The following GPR157 variants were observed in gnomAD, a reference collection of about 807,000 sequenced individuals.
GPR157 encodes the protein G-protein coupled receptor 157.
Under a neutral mutation model 23.5 loss-of-function variants are expected in GPR157, and 16 were observed. The ratio of observed to expected loss-of-function variants is 0.68; its 90% CI spans 0.46 to 1.04. The LOEUF is 1.04. Ranked by LOEUF, GPR157 falls within the 50% of genes least tolerant of loss-of-function variation. The pLI is 0.00. For missense variants in GPR157, 440 were observed against 460.7 expected, an observed-to-expected ratio of 0.96 and a Z score of 0.41; for synonymous variants, 200 against 221.5, an observed-to-expected ratio of 0.90 and a Z score of 0.86.
At chr1:9,110,333 G>A (rs902961564) in intron 2 of GPR157, among the ~76,000 whole-genome samples, 9 of 152,274 alleles carry the variant, frequency 5.9e-5, no homozygotes, top group Admixed American at 2.6e-4. Flanking sequence ...GACCAGCCTG[G>A]CCAACATGGT....
At chr1:9,109,446 G>A (rs1638427320) in intron 2 of GPR157, among the ~76,000 whole-genome samples, 1 of 151,874 alleles carries the variant, frequency 6.6e-6, no homozygotes, top group Non-Finnish European at 1.5e-5. Flanking sequence ...AGGCTGGAAT[G>A]CAGTGGCGTA....
intron 2 of GPR157, among the ~76,000 whole-genome samples, chr1:9,108,628 A>G (rs758560054): frequency 1.3e-5 from 2 of 152,212 alleles, no homozygotes; most frequent in African/African-American, 2.4e-5. Context: ...ATAAAAGTCT[A>G]GAAGAAGACA....
intron 2 of GPR157, among the ~76,000 whole-genome samples, chr1:9,106,306 C>T (rs753942357): frequency 2.6e-5 from 4 of 152,166 alleles, no homozygotes; most frequent in Non-Finnish European, 5.9e-5. Context: ...CTCCCTCCTC[C>T]GCCTCTGCCA....
chr1:9,114,419 C>T lies in GPR157; in HGVS notation c.384-2930G>A, dbSNP rs1458196183. 2.6e-5 allele frequency among the ~76,000 whole-genome samples: 4 copies of T among 151,504 alleles called. No individual in the cohort carries two copies. The South Asian group carries it at 8.3e-4, about 32-fold the overall frequency. ...GCTGTTCCTCGTTACTTTACAGTTGCAGGATTCCGCTAAGGAATTCTGGGA... is the reference window on the plus strand; with the variant it reads ...GCTGTTCCTCGTTACTTTACAGTTGTAGGATTCCGCTAAGGAATTCTGGGA... On this transcript the variant is annotated intron_variant, in intron 1 of 3. Coordinates refer to ENST00000377411, the MANE Select transcript of GPR157 (RefSeq NM_024980.5).
chr1:9,119,472 C>T (rs951123249), intron 1 of GPR157, among the ~76,000 whole-genome samples: 21 of 152,192 alleles, frequency 1.4e-4, no homozygotes, highest in African/African-American at 5.1e-4. Context: ...TCAGGAAGAA[C>T]CAGTCCTGCC....
chr1:9,122,160 AC>A, intron 1 of GPR157, among the ~76,000 whole-genome samples: 1 of 151,138 alleles, frequency 6.6e-6, no homozygotes, highest in East Asian at 1.9e-4. Flanking sequence ...TGGGGAAATG[AC>A]CCCCTCCACA....
intron 2 of GPR157, among the ~76,000 whole-genome samples, chr1:9,107,260 A>G (rs1479457314): frequency 6.6e-6 from 1 of 152,198 alleles, no homozygotes; most frequent in Non-Finnish European, 1.5e-5. Flanking sequence ...CCTCCTGGGA[A>G]TGTCTTTCAT....
At chr1:9,115,361 C>G (rs1351823584) in intron 1 of GPR157, among the ~76,000 whole-genome samples, 3 of 152,164 alleles carry the variant, frequency 2.0e-5, no homozygotes, top group Non-Finnish European at 4.4e-5. Flanking sequence ...CCAATTGATT[C>G]TCACAGAATG....
intron 1 of GPR157, among the ~76,000 whole-genome samples, chr1:9,123,623 T>C (rs1445391158): frequency 1.7e-5 from 2 of 115,908 alleles, no homozygotes; most frequent in Admixed American, 2.2e-4. Context: ...TAAAATTAAA[T>C]ATATTTTAAA....
At chr1:9,106,333 C>T (rs185249177) in intron 2 of GPR157, among the ~76,000 whole-genome samples, 174 of 152,254 alleles carry the variant, frequency 1.1e-3, no homozygotes, top group African/African-American at 4.1e-3. Flanking sequence ...CCTGCTCCCC[C>T]CTACAGTCCA....
chr1:9,129,038 G>A lies in GPR157; in HGVS notation c.-11C>T, dbSNP rs1253069006. ...CGGGGACGGCTGCATGGCGTGGGGG[G>A]CCAGGAGCCGGAGCGCCGCGAGGAC... On this transcript the variant is annotated 5_prime_UTR_variant, in exon 1 of 4. Transcript: ENST00000377411. 6.4e-6 allele frequency: 8 copies of A among 1,256,220 alleles called. No homozygotes were observed. Among genetic ancestry groups the A allele is most frequent in the Non-Finnish European group, 8.0e-6 (8 of 1,003,024 alleles). 77.8% of individuals were successfully genotyped at this position (1,256,220 alleles called of 1,614,324 possible).
Position 9,105,772 on chromosome 1 carries a change from T to A in GPR157, c.598-92A>T. On this transcript the variant is annotated intron_variant, in intron 2 of 3. Transcript: ENST00000377411. The surrounding 1 kb of genome is among the most constrained non-coding windows in gnomAD (Gnocchi z 4.8). Reference sequence around the variant, plus strand: ...CCCAGGTCTTCCCAGGGACTTGAACTAGCTCAGGGAGGTAGGGGAGATGTG... The same window carrying A: ...CCCAGGTCTTCCCAGGGACTTGAACAAGCTCAGGGAGGTAGGGGAGATGTG... The A allele has an allele frequency of 9.3e-7, 1 of 1,069,922 alleles. No homozygotes were observed. Among genetic ancestry groups the A allele is most frequent in the Non-Finnish European group, 1.4e-6 (1 of 735,838 alleles). The allele number at this position is 1,069,922 out of a possible 1,614,324, so 66.3% of individuals were successfully genotyped here.
At position 9,106,925 on chromosome 1, in the gene GPR157, C is replaced by T. The variant is rs187202363; in HGVS notation, c.598-1245G>A. On this transcript the variant is annotated intron_variant, in intron 2 of 3. Coordinates refer to ENST00000377411, the MANE Select transcript of GPR157 (RefSeq NM_024980.5). Reference sequence around the variant, plus strand: ...GTTGCAGTGAGCCAAGATCGCGCCACTGCACTCCAGCCTGGGCAACAGCAA... The same window carrying T: ...GTTGCAGTGAGCCAAGATCGCGCCATTGCACTCCAGCCTGGGCAACAGCAA... Among the ~76,000 whole-genome samples the T allele has an allele frequency of 2.5e-3, 378 of 152,280 alleles. 1 individual carries two copies. The highest frequency in any genetic ancestry group is 8.9e-3 in the African/African-American group (371 of 41,554).
chr1:9,105,623 G>A lies in GPR157; in HGVS notation c.655C>T (p.His219Tyr). 1 of 1,612,936 alleles carries A rather than the reference G, an allele frequency of 6.2e-7. No individual in the cohort carries two copies. Among genetic ancestry groups the A allele is most frequent in the African/African-American group, 1.3e-5 (1 of 75,038 alleles). Residue 219 changes from histidine (H) to tyrosine (Y), a missense_variant, in exon 3 of 4, where the codon CAC (histidine) becomes TAC (tyrosine). By Grantham distance (83) the His-to-Tyr change is moderately conservative (BLOSUM62 2). Transcript: ENST00000377411. This position sits in a 1 kb window ranked among gnomAD's most constrained non-coding sequence, Gnocchi z 4.8. ...ILSQEHRLLR[H>Y]SSMADKKLVL... The stretch of plus-strand genomic sequence containing the variant: ...AGCTTCTTGTCCGCCATGGAGGAGT[G>A]GCGCAGCAGGCGGTGCTCCTGGGAG...
chr1:9,110,614 G>A lies in GPR157; in HGVS notation c.597+662C>T, dbSNP rs778632149. ...GGTTAATCTGTGGCCTTTTGCAGGC[G>A]TTTGCTTGTGGCCAGGAGGAAGCCC... On this transcript the variant is annotated intron_variant, in intron 2 of 3. Coordinates refer to ENST00000377411, the MANE Select transcript of GPR157 (RefSeq NM_024980.5). Among the ~76,000 whole-genome samples the A allele has an allele frequency of 9.8e-5, 15 of 152,304 alleles. No homozygotes were observed. The South Asian group carries it at 1.7e-3, about 17-fold the overall frequency.
chr1:9,128,988 C>T lies in GPR157; in HGVS notation c.40G>A (p.Glu14Lys). The T allele has an allele frequency of 7.4e-7, 1 of 1,355,668 alleles. No individual in the cohort carries two copies. The highest frequency in any genetic ancestry group is 9.5e-7 in the Non-Finnish European group (1 of 1,058,186). 84.0% of individuals were successfully genotyped at this position (1,355,668 alleles called of 1,614,324 possible). Residue 14 changes from glutamate (E) to lysine (K), a missense_variant, in exon 1 of 4, where the codon GAG (glutamate) becomes AAG (lysine). Glu to Lys is a moderately conservative substitution (Grantham distance 56). Coordinates refer to ENST00000377411, the MANE Select transcript of GPR157 (RefSeq NM_024980.5). The surrounding 1 kb of genome is among the most constrained non-coding windows in gnomAD (Gnocchi z 6.3). ...CACGACAGCAGCACCACGGCGCGCTCCGACGGCACCAGCTCGGTGGGCGGC... is the reference window on the plus strand; with the variant it reads ...CACGACAGCAGCACCACGGCGCGCTTCGACGGCACCAGCTCGGTGGGCGGC... ...SPPPTELVPS[E>K]RAVVLLSCAL...
intron 2 of GPR157, among the ~76,000 whole-genome samples, chr1:9,110,980 T>A (rs1638475414): frequency 6.6e-6 from 1 of 152,210 alleles, no homozygotes; most frequent in Non-Finnish European, 1.5e-5. Context: ...CAGCCCTGTC[T>A]GCAGCAGCCC....
Position 9,104,434 on chromosome 1 carries a change from T to G in GPR157, c.993A>C (p.Glu331Asp), listed in dbSNP as rs1039031332. 16 of 1,613,628 alleles carry G rather than the reference T, an allele frequency of 9.9e-6. No homozygotes were observed. The highest frequency in any genetic ancestry group is 2.2e-5 in the East Asian group (1 of 44,844). Residue 331 changes from glutamate to aspartate, a missense_variant, in exon 4 of 4, where the codon GAA becomes GAC. Transcript: ENST00000377411. ...GGACAAAAGCTCAGGTGCTTGGAAG[T>G]TCCCCTGGGGTCCCTTGGGATTCCT... ...ESQESQGTPGELPST is the reference protein window; with the variant it reads ...ESQESQGTPGDLPST
At position 9,104,639 on chromosome 1, in the gene GPR157, C is replaced by T. The variant is rs202227960; in HGVS notation, c.793-5G>A. ...CTGAAACGTGTTCCCGATACCCTGT[C>T]GGGAGAAAAGGAGCTGTGAGCATGG... On this transcript the variant is annotated splice_polypyrimidine_tract_variant and splice_region_variant and intron_variant, in intron 3 of 3. Transcript: ENST00000377411. The T allele has an allele frequency of 2.7e-4, 432 of 1,584,504 alleles. No individual in the cohort carries two copies. Among genetic ancestry groups the T allele is most frequent in the African/African-American group, 5.8e-4 (43 of 74,290 alleles).
Sources: allele counts gnomAD v4.1 joint callset (sites outside exome capture counted in the v4.1 genomes callset), GRCh38; gene constraint gnomAD v4.1.1; non-coding constraint Gnocchi (gnomAD v3.1); transcripts MANE v1.5; gene names NCBI Gene and HGNC (gene_info 2026-07-23, HGNC 2026-07-21).